The following ADGRL3 variants were observed in gnomAD, a reference collection of about 807,000 sequenced individuals.
ADGRL3 encodes calcium-independent alpha-latrotoxin receptor 3.
In ADGRL3, 62 loss-of-function variants were observed where a neutral mutation model predicts 153.5. That is an observed-to-expected ratio of 0.40 (90% CI 0.33 to 0.50). ADGRL3 has a LOEUF of 0.50. Ranked by LOEUF, ADGRL3 falls within the 20% of genes least tolerant of loss-of-function variation. The pLI, the probability that ADGRL3 is intolerant of heterozygous loss-of-function variation, is 0.47. For synonymous variants in ADGRL3, 710 were observed against 672.5 expected (o/e 1.06, Z -0.86); for missense variants, 1,641 against 1,859.4 (o/e 0.88, Z 2.16).
chr4:61,463,906 T>C (rs2097851461), intron 2 of ADGRL3, among the ~76,000 whole-genome samples: 1 of 152,172 alleles, frequency 6.6e-6, no homozygotes, highest in Non-Finnish European at 1.5e-5. Flanking sequence ...GGTGTGTTTG[T>C]GCATTTTGTG....
At chr4:62,006,063 T>G (rs1460423708) in intron 21 of ADGRL3, among the ~76,000 whole-genome samples, 1 of 140,224 alleles carries the variant, frequency 7.1e-6, no homozygotes, top group Admixed American at 7.3e-5. Flanking sequence ...AGGGTTTTGC[T>G]CTTGTTGCCC....
rs143941112 is a variant in ADGRL3 at position 61,343,851 on chromosome 4, A to G, written c.-239-39273A>G. On this transcript the variant is annotated intron_variant, in intron 1 of 26. Transcript: ENST00000683033. The stretch of plus-strand genomic sequence containing the variant: ...TTCATATCTGCAGAACTTGAGTTCA[A>G]TTAAACACACTTTGGGAAATACTGG... 2.4e-3 allele frequency among the ~76,000 whole-genome samples: 367 copies of G among 152,336 alleles called. 3 individuals are homozygous for G. Among genetic ancestry groups the G allele is most frequent in the Middle Eastern group, 0.01 (3 of 294 alleles).
intron 17 of ADGRL3, among the ~76,000 whole-genome samples, chr4:61,951,167 C>T (rs779501286): frequency 1.3e-5 from 2 of 152,008 alleles, no homozygotes; most frequent in Non-Finnish European, 2.9e-5. Context: ...TCTCAATATC[C>T]TACATGTCTA....
chr4:61,658,157 C>T (rs2094493611), intron 5 of ADGRL3, among the ~76,000 whole-genome samples: 1 of 152,190 alleles, frequency 6.6e-6, no homozygotes, highest in African/African-American at 2.4e-5. Flanking sequence ...TCCCTCCCTC[C>T]TTTTAACTCC....
chr4:61,977,129 G>A (rs1292195439), intron 17 of ADGRL3, among the ~76,000 whole-genome samples: 1 of 151,946 alleles, frequency 6.6e-6, no homozygotes, highest in Non-Finnish European at 1.5e-5. Context: ...AGCCTACTAA[G>A]GCACTGAGTA....
At chr4:61,574,738 G>A (rs2098859530) in intron 4 of ADGRL3, among the ~76,000 whole-genome samples, 1 of 151,738 alleles carries the variant, frequency 6.6e-6, no homozygotes, top group Non-Finnish European at 1.5e-5. Flanking sequence ...TGAAGCTGGG[G>A]CACATTTCTA....
intron 1 of ADGRL3, among the ~76,000 whole-genome samples, chr4:61,340,435 T>G (rs2095784645): frequency 6.6e-6 from 1 of 152,022 alleles, no homozygotes; most frequent in Admixed American, 6.6e-5. Context: ...TTTTTTTTTG[T>G]ACAGCTTTAA....
intron 6 of ADGRL3, among the ~76,000 whole-genome samples, chr4:61,700,642 A>G (rs1314320717): frequency 6.6e-6 from 1 of 152,278 alleles, no homozygotes; most frequent in South Asian, 2.1e-4. Context: ...CAAATTCTTG[A>G]ATGCAGTGAA....
At chr4:61,369,420 T>C (rs2096475693) in intron 1 of ADGRL3, among the ~76,000 whole-genome samples, 1 of 152,160 alleles carries the variant, frequency 6.6e-6, no homozygotes, top group African/African-American at 2.4e-5. Flanking sequence ...ACCTAATTTA[T>C]TGAGAGTTTT....
At chr4:61,945,819 G>A (rs2098919810) in intron 15 of ADGRL3, among the ~76,000 whole-genome samples, 1 of 152,004 alleles carries the variant, frequency 6.6e-6, no homozygotes, top group African/African-American at 2.4e-5. Flanking sequence ...ACACACACTG[G>A]CCTGCGCCCA....
At chr4:61,900,758 CATAA>C (rs2098660085) in intron 11 of ADGRL3, among the ~76,000 whole-genome samples, 1 of 152,018 alleles carries the variant, frequency 6.6e-6, no homozygotes, top group African/African-American at 2.4e-5. Context: ...CAGATAGATA[CATAA>C]ATAGATACAT....
chr4:61,369,996 G>C (rs967249799), intron 1 of ADGRL3, among the ~76,000 whole-genome samples: 1 of 151,970 alleles, frequency 6.6e-6, no homozygotes, highest in Non-Finnish European at 1.5e-5. Flanking sequence ...ATTTCTTCTA[G>C]ATTTTCTAGT....
intron 17 of ADGRL3, among the ~76,000 whole-genome samples, chr4:61,970,538 TA>T (rs2150643029): frequency 6.6e-6 from 1 of 152,250 alleles, no homozygotes; most frequent in Non-Finnish European, 1.5e-5. Context: ...GCATAATAAG[TA>T]TGCTTCTGAA....
At chr4:62,045,089 C>T (rs1730407959) in intron 25 of ADGRL3, among the ~76,000 whole-genome samples, 1 of 151,872 alleles carries the variant, frequency 6.6e-6, no homozygotes, top group Non-Finnish European at 1.5e-5. Context: ...TGTGTATGTG[C>T]TTGTGGTTCA....
At chr4:61,439,032 G>A (rs2097493663) in intron 2 of ADGRL3, among the ~76,000 whole-genome samples, 1 of 151,960 alleles carries the variant, frequency 6.6e-6, no homozygotes, top group South Asian at 2.1e-4. Context: ...CTCACTGGGT[G>A]GTAAGTTGAA....
rs34586911 is a variant in ADGRL3, at chr4:61,587,351, G to A, written c.384G>A (p.Arg128=). Reference sequence around the variant, plus strand: ...TGATAGAAAGTGCCAACTATGGCAGGACTGATGACAAAATTTGTGACTCTG... The same window carrying A: ...TGATAGAAAGTGCCAACTATGGCAGAACTGATGACAAAATTTGTGACTCTG... ...VIMIESANYG[R]TDDKICDSDP... is the part of the protein sequence containing the mutation. Residue 128 remains arginine, a synonymous_variant, in exon 5 of 27, where the codon AGG becomes AGA. Transcript: ENST00000683033. 5.4e-5 allele frequency: 87 copies of A among 1,612,392 alleles called. No homozygotes were observed. The African/African-American group carries it at 1.1e-3, about 20-fold the overall frequency.
chr4:62,013,486 G>A (rs2099196415), intron 21 of ADGRL3, among the ~76,000 whole-genome samples: 1 of 151,712 alleles, frequency 6.6e-6, no homozygotes, highest in Non-Finnish European at 1.5e-5. Flanking sequence ...AGGTTGCAGT[G>A]AGCCAAGATC....
At position 62,029,685 on chromosome 4, in the gene ADGRL3, C is replaced by T. The variant is rs1484337823; in HGVS notation, c.3422+804C>T. Reference sequence around the variant, plus strand: ...AGTGCCATTTCACTTCTTCATGCTTCTGCTTTCCTTCTTTTGTTGTTTTTT... The same window carrying T: ...AGTGCCATTTCACTTCTTCATGCTTTTGCTTTCCTTCTTTTGTTGTTTTTT... On this transcript the variant is annotated intron_variant, in intron 22 of 26. Coordinates refer to ENST00000683033, the MANE Select transcript of ADGRL3 (RefSeq NM_001387552.1). Among the ~76,000 whole-genome samples, 19 of 146,068 alleles carry T rather than the reference C, an allele frequency of 1.3e-4. No individual in the cohort carries two copies. In the South Asian group the frequency reaches 2.1e-3, roughly 16 times the overall value.
At chr4:62,012,846 A>G (rs1453055155) in intron 21 of ADGRL3, among the ~76,000 whole-genome samples, 1 of 152,184 alleles carries the variant, frequency 6.6e-6, no homozygotes, top group African/African-American at 2.4e-5. Flanking sequence ...TCTTCTCAGG[A>G]TGAGAGACAG....
Sources: gnomAD v4.1 joint callset for allele counts (sites outside exome capture counted in the v4.1 genomes callset) on GRCh38, gnomAD v4.1.1 for gene constraint, MANE v1.5 for transcripts, NCBI Gene and HGNC (gene_info 2026-07-23, HGNC 2026-07-21) for gene names.